Variants in SERINC1 observed in about 807,000 individuals in gnomAD.
The protein encoded by SERINC1 is serine incorporator 1.
Under a neutral mutation model 52.9 loss-of-function variants are expected in SERINC1, and 38 were observed. The ratio of observed to expected loss-of-function variants is 0.72; its 90% CI spans 0.55 to 0.94. SERINC1 has a LOEUF of 0.94. Among genes scored for constraint, SERINC1 ranks in the 40% least tolerant of loss-of-function variants. SERINC1 has a pLI of 0.00. For missense variants in SERINC1, 471 were observed against 533.9 expected, an observed-to-expected ratio of 0.88 and a Z score of 1.16; for synonymous variants, 198 against 183.1, an observed-to-expected ratio of 1.08 and a Z score of -0.66.
chr6:122,459,472 T>C lies in SERINC1; in HGVS notation c.40-791A>G, dbSNP rs544235319. 1.1e-4 allele frequency among the ~76,000 whole-genome samples: 16 copies of C among 152,292 alleles called. No individual in the cohort carries two copies. In the East Asian group the frequency reaches 3.1e-3, roughly 29 times the overall value. On this transcript the variant is annotated intron_variant, in intron 1 of 9. Transcript: ENST00000339697. ...TAGATATCACAGTAAGGGAATGTTG[T>C]AGAAGCCAGACCACTACACCAACCA...
At chr6:122,454,821 C>G (rs1293603717) in intron 3 of SERINC1, among the ~76,000 whole-genome samples, 1 of 152,182 alleles carries the variant, frequency 6.6e-6, no homozygotes, top group East Asian at 1.9e-4. Flanking sequence ...GTCATCAATA[C>G]CAGCTATGAC....
At chr6:122,466,843 G>T (rs1018190815) in intron 1 of SERINC1, among the ~76,000 whole-genome samples, 3 of 152,092 alleles carry the variant, frequency 2.0e-5, no homozygotes, top group African/African-American at 7.2e-5. Context: ...AGAAAATACA[G>T]GTGAGAAAAT....
At chr6:122,447,910 T>C (rs1159337772) in intron 7 of SERINC1, among the ~76,000 whole-genome samples, 1 of 151,998 alleles carries the variant, frequency 6.6e-6, no homozygotes, top group South Asian at 2.1e-4. Context: ...GGTCAAGAGA[T>C]AGAGATCATC....
rs750920534 is a variant in SERINC1, at chr6:122,451,758, CAAA to C, written c.760-7_760-5del. On this transcript the variant is annotated splice_region_variant and splice_polypyrimidine_tract_variant and intron_variant, in intron 6 of 9. Coordinates refer to ENST00000339697, the MANE Select transcript of SERINC1 (RefSeq NM_020755.4). Reference sequence around the variant, plus strand: ...AACCAGATCTTGGTTGTGATTCCTACAAAAAAAAAAAAAAAAAAATATATATAT... The same window carrying C: ...AACCAGATCTTGGTTGTGATTCCTACAAAAAAAAAAAAAAAATATATATAT... 50 of 88,540 alleles carry C rather than the reference CAAA, an allele frequency of 5.6e-4. No individual in the cohort carries two copies. Among genetic ancestry groups the C allele is most frequent in the East Asian group, 8.1e-4 (3 of 3,688 alleles). The allele number at this position is 88,540 out of a possible 1,614,324, so 5.5% of individuals were successfully genotyped here.
At chr6:122,456,712 C>A in intron 2 of SERINC1, 62 bp from the exon 3 acceptor site, 2 of 1,244,416 alleles carry the variant, frequency 1.6e-6, no homozygotes, top group Non-Finnish European at 2.2e-6. Context: ...ATAAAAATTA[C>A]ATGTAATCAA....
chr6:122,454,514 A>G (rs1365274206), intron 3 of SERINC1: 3 of 290,974 alleles, frequency 1.0e-5, no homozygotes, highest in African/African-American at 4.6e-5. Context: ...AGCAAAAAAA[A>G]TCTGATAAGA....
rs749234432 is a variant in SERINC1, at chr6:122,458,642, G to A, written c.79C>T (p.Arg27Ter). 1.9e-6 allele frequency: 3 copies of A among 1,609,160 alleles called. No individual in the cohort carries two copies. The highest frequency in any genetic ancestry group is 2.5e-6 in the Non-Finnish European group (3 of 1,177,028). ...LCGSAPCLLCRCCPSGNNSTV... is the reference protein window; with the variant it reads ...LCGSAPCLLC The stretch of plus-strand genomic sequence containing the variant: ...GAGTTGTTTCCACTAGGACAGCATC[G>A]GCATAGCAAACACGGGGCACTTCCA... The change falls in exon 2 of 10, where the codon CGA becomes TGA. Residue 27 changes from arginine to a stop codon, truncating the protein, a stop_gained. Transcript: ENST00000339697. LOFTEE classifies it high-confidence loss of function.
At chr6:122,467,246 T>C (rs1775205373) in intron 1 of SERINC1, among the ~76,000 whole-genome samples, 1 of 152,164 alleles carries the variant, frequency 6.6e-6, no homozygotes, top group Admixed American at 6.5e-5. Context: ...CGATCAATCA[T>C]GACATGTATC....
chr6:122,451,824 T>G (rs1774913605), intron 6 of SERINC1, 64 bp downstream of exon 6: 1 of 1,003,670 alleles, frequency 1.0e-6, no homozygotes, highest in Non-Finnish European at 1.3e-6. Flanking sequence ...CTGACATCAT[T>G]CTAGATTTTT....
At position 122,444,292 on chromosome 6, in the gene SERINC1, T is replaced by TTTCAAAGTGACTTTCAAAGTGGCCAA. The variant is rs1774720286; in HGVS notation, c.*751_*752insTTGGCCACTTTGAAAGTCACTTTGAA. 6.6e-6 allele frequency: 1 copy of TTTCAAAGTGACTTTCAAAGTGGCCAA among 152,268 alleles called. No individual in the cohort carries two copies. The highest frequency in any genetic ancestry group is 6.5e-5 in the Admixed American group (1 of 15,284). The allele number at this position is 152,268 out of a possible 1,614,324, so 9.4% of individuals were successfully genotyped here. A position where few individuals can be genotyped will look rare whatever the true frequency, so the allele number is the denominator to read the frequency against. On this transcript the variant is annotated 3_prime_UTR_variant, in exon 10 of 10. Coordinates refer to ENST00000339697, the MANE Select transcript of SERINC1 (RefSeq NM_020755.4). ...GTGAGCTACCGTGCTGGCCCAAAAC[T>TTTCAAAGTGACTTTCAAAGTGGCCAA]AACTTTCAAAGTGACTTTCAAACAC...
chr6:122,456,364 A>T (rs998326330), intron 3 of SERINC1, 117 bp downstream of exon 3: 17 of 565,484 alleles, frequency 3.0e-5, no homozygotes. Context: ...ATTCATGAAT[A>T]AAGTAATTCT....
At chr6:122,454,696 C>G (rs1281021218) in intron 3 of SERINC1, 1 of 154,078 alleles carries the variant, frequency 6.5e-6, no homozygotes, top group East Asian at 1.9e-4. Context: ...TTGTGGTCCC[C>G]CAGTTAAAGT....
intron 5 of SERINC1, among the ~76,000 whole-genome samples, chr6:122,452,434 T>C (rs1386047415): frequency 6.6e-6 from 1 of 152,178 alleles, no homozygotes; most frequent in Non-Finnish European, 1.5e-5. Flanking sequence ...CCATTATCAC[T>C]CAGTTGTAAA....
In SERINC1 at chr6:122,446,832, G is replaced by A. The variant is rs1774812987; in HGVS notation, c.1168C>T (p.His390Tyr). The A allele has an allele frequency of 6.2e-7, 1 of 1,613,944 alleles. No homozygotes were observed. The highest frequency in any genetic ancestry group is 1.3e-5 in the African/African-American group (1 of 74,928). ...DGVTYSYSFF[H>Y]FMLFLASLYI... The stretch of plus-strand genomic sequence containing the variant: ...AGTGAAGCCAGGAAAAGCATGAAGT[G>A]AAAGAAGGAATAACTGTAAGTGACA... The change falls in exon 9 of 10, where the codon CAC becomes TAC. Residue 390 changes from histidine (H) to tyrosine (Y), a missense_variant. Coordinates refer to ENST00000339697, the MANE Select transcript of SERINC1 (RefSeq NM_020755.4).
chr6:122,460,005 G>A (rs564796489), intron 1 of SERINC1, among the ~76,000 whole-genome samples: 198 of 152,300 alleles, frequency 1.3e-3, no homozygotes, highest in African/African-American at 4.6e-3. Context: ...TGAACAACAG[G>A]CAATGTAAAG....
rs1775043415 is a variant in SERINC1, at chr6:122,458,623, T to C, written c.98A>G (p.Asn33Ser). The change falls in exon 2 of 10, where the codon AAC (asparagine) becomes AGC (serine). Residue 33 changes from asparagine to serine, a missense_variant. Coordinates refer to ENST00000339697, the MANE Select transcript of SERINC1 (RefSeq NM_020755.4). ...CLLCRCCPSGNNSTVTRLIYA... is the reference protein window; with the variant it reads ...CLLCRCCPSGSNSTVTRLIYA... Reference sequence around the variant, plus strand: ...GATCAATCTAGTTACAGTGGAGTTGTTTCCACTAGGACAGCATCGGCATAG... The same window carrying C: ...GATCAATCTAGTTACAGTGGAGTTGCTTCCACTAGGACAGCATCGGCATAG... 4 of 1,610,842 alleles carry C rather than the reference T, an allele frequency of 2.5e-6. No homozygotes were observed. In the South Asian group the frequency reaches 3.3e-5, roughly 13 times the overall value.
chr6:122,470,476 TATATG>T (rs1278406377), intron 1 of SERINC1, among the ~76,000 whole-genome samples: 1 of 152,222 alleles, frequency 6.6e-6, no homozygotes. Flanking sequence ...AAAACAATCT[TATATG>T]ATAATCAATT....
chr6:122,457,800 C>CAT (rs748307843), intron 2 of SERINC1, among the ~76,000 whole-genome samples: 1 of 106,312 alleles, frequency 9.4e-6, no homozygotes. Flanking sequence ...CTGAGTAAGA[C>CAT]ATACATATAT....
chr6:122,470,169 C>T (rs1364653759), intron 1 of SERINC1, among the ~76,000 whole-genome samples: 1 of 152,168 alleles, frequency 6.6e-6, no homozygotes, highest in Non-Finnish European at 1.5e-5. Flanking sequence ...ACGACCATCC[C>T]CTGCACTTCA....
Sources: allele counts gnomAD v4.1 joint callset (sites outside exome capture counted in the v4.1 genomes callset), GRCh38; gene constraint gnomAD v4.1.1; transcripts MANE v1.5; gene names NCBI Gene and HGNC (gene_info 2026-07-23, HGNC 2026-07-21).